The following GPHN variants were observed in gnomAD, a reference collection of about 807,000 sequenced individuals.
The protein encoded by GPHN is gephyrin.
GPHN carries 17 observed loss-of-function variants against 95.5 expected under a neutral mutation model. The ratio of observed to expected loss-of-function variants is 0.18; its 90% CI spans 0.12 to 0.27. The LOEUF is 0.27. Among genes scored for constraint, GPHN ranks in the 10% least tolerant of loss-of-function variants. The pLI is 1.00. For synonymous variants in GPHN, 320 were observed against 322.5 expected (o/e 0.99, Z 0.08); for missense variants, 660 against 978.1 (o/e 0.67, Z 4.34).
intron 8 of GPHN, among the ~76,000 whole-genome samples, chr14:66,964,461 G>A (rs1450788604): frequency 6.6e-6 from 1 of 152,318 alleles, no homozygotes; most frequent in South Asian, 2.1e-4. Context: ...CCTATAGGAT[G>A]TACAAAGGTT....
the GPHN span, among the ~76,000 whole-genome samples, chr14:67,487,426 A>G: frequency 6.6e-6 from 1 of 152,318 alleles, no homozygotes. Flanking sequence ...TCTTGCCTAA[A>G]TGTGTGAACA....
Position 67,181,262 on chromosome 14 carries a change from C to A in GPHN, c.*325C>A. The A allele has an allele frequency of 2.2e-6, 1 of 452,200 alleles. No individual in the cohort carries two copies. Among genetic ancestry groups the A allele is most frequent in the Non-Finnish European group, 4.1e-6 (1 of 244,034 alleles). The allele number at this position is 452,200 out of a possible 1,614,324, so 28.0% of individuals were successfully genotyped here. A position where few individuals can be genotyped will look rare whatever the true frequency, so the allele number is the denominator to read the frequency against. On this transcript the variant is annotated 3_prime_UTR_variant, in exon 23 of 23. Coordinates refer to ENST00000478722, the MANE Select transcript of GPHN (RefSeq NM_020806.5). ...CCTGCAGAACTTGTGTTTTTCTCAT[C>A]TTTAAAATACAACTACTTATGCTCT... is the stretch of plus-strand genomic sequence containing the variant.
intron 10 of GPHN, among the ~76,000 whole-genome samples, chr14:67,047,145 A>G (rs1483292594): frequency 1.3e-5 from 2 of 152,158 alleles, no homozygotes; most frequent in East Asian, 1.9e-4. Flanking sequence ...TATCCAAAAA[A>G]TGAATAATGA....
chr14:66,958,265 A>G (rs1329263343), intron 8 of GPHN, among the ~76,000 whole-genome samples: 2 of 151,880 alleles, frequency 1.3e-5, no homozygotes, highest in African/African-American at 2.4e-5. Context: ...TTTTGGCTTC[A>G]AAGTTGATTT....
intron 1 of GPHN, among the ~76,000 whole-genome samples, chr14:66,669,549 A>C (rs1595479569): frequency 6.6e-6 from 1 of 151,940 alleles, no homozygotes; most frequent in Non-Finnish European, 1.5e-5. Flanking sequence ...TTTGACACTC[A>C]GATGATATTA....
At chr14:67,323,636 A>ATC in the GPHN span, 10 of 434,800 alleles carry the variant, frequency 2.3e-5, no homozygotes, top group East Asian at 5.2e-5. Flanking sequence ...ATATATATAT[A>ATC]TCAGTATTAT....
At chr14:66,525,342 T>A (rs1206178654) in intron 1 of GPHN, among the ~76,000 whole-genome samples, 1 of 152,174 alleles carries the variant, frequency 6.6e-6, no homozygotes, top group African/African-American at 2.4e-5. Context: ...TTGGTGGGGT[T>A]GTTTTTTTCT....
At chr14:66,789,157 T>A (rs1057078426) in intron 3 of GPHN, among the ~76,000 whole-genome samples, 7 of 152,216 alleles carry the variant, frequency 4.6e-5, no homozygotes, top group African/African-American at 1.7e-4. Context: ...GAATCTCTTT[T>A]ACAATTAATT....
intron 4 of GPHN, among the ~76,000 whole-genome samples, chr14:66,874,949 A>G (rs1435891421): frequency 1.3e-5 from 2 of 152,156 alleles, no homozygotes; most frequent in Non-Finnish European, 2.9e-5. Context: ...CCCAAGACAC[A>G]TAATCATCAG....
At chr14:67,010,574 G>GA (rs369497398) in intron 9 of GPHN, among the ~76,000 whole-genome samples, 2 of 144,164 alleles carry the variant, frequency 1.4e-5, no homozygotes, top group African/African-American at 5.1e-5. Context: ...AAAAAAGAAA[G>GA]AAAAAAAAGA....
At chr14:67,478,009 T>C in the GPHN span, among the ~76,000 whole-genome samples, 1 of 152,244 alleles carries the variant, frequency 6.6e-6, no homozygotes, top group Non-Finnish European at 1.5e-5. Context: ...ATAGTAAGCA[T>C]TCAAGAGAAG....
chr14:67,265,856 CAAAA>C, the GPHN span, among the ~76,000 whole-genome samples: 1 of 75,434 alleles, frequency 1.3e-5, no homozygotes. Flanking sequence ...GACTCCATCT[CAAAA>C]AAAAAAAAAA....
intron 10 of GPHN, among the ~76,000 whole-genome samples, chr14:67,034,999 A>G (rs1567235785): frequency 6.6e-6 from 1 of 152,096 alleles, no homozygotes; most frequent in Non-Finnish European, 1.5e-5. Context: ...ATTCTGTAGG[A>G]TAGACCACAT....
the GPHN span, among the ~76,000 whole-genome samples, chr14:67,521,123 C>G: frequency 2.0e-5 from 3 of 152,170 alleles, no homozygotes; most frequent in Non-Finnish European, 4.4e-5. Context: ...AGTACCAGGA[C>G]AGGAAGATGT....
At chr14:67,382,323 T>G in the GPHN span, 6 of 805,816 alleles carry the variant, frequency 7.4e-6, no homozygotes, top group South Asian at 1.1e-4. Flanking sequence ...TACTGTCCTG[T>G]AGAATTGGCA....
At chr14:67,450,187 G>A in the GPHN span, among the ~76,000 whole-genome samples, 208 of 151,824 alleles carry the variant, frequency 1.4e-3, no homozygotes, top group Non-Finnish European at 4.3e-4. Context: ...ATTGTGAGGC[G>A]TTCCCAGCCA....
At chr14:67,153,555 G>T (rs2081404666) in intron 18 of GPHN, among the ~76,000 whole-genome samples, 1 of 152,162 alleles carries the variant, frequency 6.6e-6, no homozygotes, top group African/African-American at 2.4e-5. Flanking sequence ...CATTGGGATT[G>T]GAGTTTCAAC....
At chr14:66,842,705 C>T (rs1304598266) in intron 4 of GPHN, 1 of 1,533,780 alleles carries the variant, frequency 6.5e-7, no homozygotes, top group Non-Finnish European at 8.7e-7. Flanking sequence ...ATTTTGTGGG[C>T]TCCAGAAAGG....
the GPHN span, among the ~76,000 whole-genome samples, chr14:67,644,046 T>C: frequency 2.6e-5 from 4 of 152,146 alleles, no homozygotes; most frequent in African/African-American, 9.7e-5. Flanking sequence ...AGTCTCACTG[T>C]TTGGGGACCA....
Sources: allele counts gnomAD v4.1 joint callset (sites outside exome capture counted in the v4.1 genomes callset), GRCh38; gene constraint gnomAD v4.1.1; transcripts MANE v1.5; gene names NCBI Gene and HGNC (gene_info 2026-07-23, HGNC 2026-07-21).